SLC14A2: variants seen among roughly 807,000 people sequenced by gnomAD.
The protein encoded by SLC14A2 is urea transporter 2.
In SLC14A2, 91 loss-of-function variants were observed where a neutral mutation model predicts 104.6. The ratio of observed to expected loss-of-function variants is 0.87; its 90% CI spans 0.73 to 1.04. SLC14A2 has a LOEUF of 1.04. Among genes scored for constraint, SLC14A2 ranks in the 50% least tolerant of loss-of-function variants. The probability of loss-of-function intolerance (pLI) is 0.00; values close to 1 mark genes in which losing one functional copy is unlikely to be tolerated. For missense variants in SLC14A2, 1,189 were observed against 1,156.0 expected, an observed-to-expected ratio of 1.03 and a Z score of -0.41; for synonymous variants, 476 against 466.4, an observed-to-expected ratio of 1.02 and a Z score of -0.27.
At chr18:45,221,965 C>T (rs2084066761) in intron 1 of SLC14A2, among the ~76,000 whole-genome samples, 1 of 152,004 alleles carries the variant, frequency 6.6e-6, no homozygotes. Context: ...CATGGTGGAT[C>T]AAAAATGAGC....
chr18:45,289,851 GT>G (rs919355259), intron 1 of SLC14A2, among the ~76,000 whole-genome samples: 2 of 152,224 alleles, frequency 1.3e-5, no homozygotes, highest in African/African-American at 2.4e-5. Context: ...TACTGTCAAA[GT>G]CAGATGCAAG....
chr18:45,571,057 C>T (rs911153544), intron 2 of SLC14A2, among the ~76,000 whole-genome samples: 4 of 152,192 alleles, frequency 2.6e-5, no homozygotes, highest in African/African-American at 9.7e-5. Context: ...TCACTTTAGG[C>T]TCTAACTCTA....
intron 1 of SLC14A2, among the ~76,000 whole-genome samples, chr18:45,437,422 A>G (rs1260183736): frequency 6.6e-6 from 1 of 152,088 alleles, no homozygotes; most frequent in Non-Finnish European, 1.5e-5. Flanking sequence ...CTGCTTGTGG[A>G]GAGTCAGATG....
At chr18:45,538,072 T>C (rs1261776846) in intron 2 of SLC14A2, among the ~76,000 whole-genome samples, 2 of 152,198 alleles carry the variant, frequency 1.3e-5, no homozygotes, top group African/African-American at 4.8e-5. Flanking sequence ...CCTAGCTGGG[T>C]TTGCCAATGG....
chr18:45,204,789 A>C, the SLC14A2 span, among the ~76,000 whole-genome samples: 1 of 149,432 alleles, frequency 6.7e-6, no homozygotes, highest in African/African-American at 2.5e-5. Flanking sequence ...GCAGCTTCCA[A>C]TTTTAAACCT....
chr18:45,629,949 C>A (rs1279388393), intron 4 of SLC14A2, among the ~76,000 whole-genome samples: 1 of 152,146 alleles, frequency 6.6e-6, no homozygotes, highest in African/African-American at 2.4e-5. Flanking sequence ...ACCAGCTGTA[C>A]CTCTGTCTAT....
At chr18:45,331,721 C>T (rs2085293121) in intron 1 of SLC14A2, among the ~76,000 whole-genome samples, 1 of 151,690 alleles carries the variant, frequency 6.6e-6, no homozygotes, top group African/African-American at 2.4e-5. Context: ...ATCCTTCAAA[C>T]ATACATAAAA....
At chr18:45,484,427 G>A (rs534967451) in intron 2 of SLC14A2, among the ~76,000 whole-genome samples, 7 of 152,306 alleles carry the variant, frequency 4.6e-5, no homozygotes, top group African/African-American at 1.4e-4. Context: ...AAAGATCATA[G>A]CATTAGAACC....
At chr18:45,606,759 CA>C (rs535052877) in intron 2 of SLC14A2, among the ~76,000 whole-genome samples, 77 of 14,152 alleles carry the variant, frequency 5.4e-3, no homozygotes, top group Admixed American at 9.3e-3. Flanking sequence ...AAAACAAAAA[CA>C]AAAAAAAAAA....
rs776999720 is a variant in SLC14A2, at chr18:45,666,946, C to G, written c.1569C>G (p.Thr523=). Residue 523 remains threonine (T), a synonymous_variant, in exon 13 of 20, where the codon ACC becomes ACG. Coordinates refer to ENST00000255226, the MANE Select transcript of SLC14A2 (RefSeq NM_007163.4). ...KPTVELLDLD[T]MEESSEIKVE... The stretch of plus-strand genomic sequence containing the variant: ...TCTGTCCTGGACAGGATCTGGACAC[C>G]ATGGAGGAGAGCTCTGAGATAAAAG... 1 of 1,613,872 alleles carries G rather than the reference C, an allele frequency of 6.2e-7. No homozygotes were observed. Among genetic ancestry groups the G allele is most frequent in the Non-Finnish European group, 8.5e-7 (1 of 1,179,850 alleles).
upstream of SLC14A2, among the ~76,000 whole-genome samples, chr18:45,212,642 T>C (rs952465255): frequency 6.6e-6 from 1 of 152,210 alleles, no homozygotes; most frequent in Non-Finnish European, 1.5e-5. Flanking sequence ...ACATGTGTAT[T>C]ATTATATTGT....
At chr18:45,186,297 G>A in the SLC14A2 span, among the ~76,000 whole-genome samples, 4 of 152,166 alleles carry the variant, frequency 2.6e-5, no homozygotes, top group Non-Finnish European at 5.9e-5. Context: ...AGGACAGAGG[G>A]CCACTTTTAT....
At chr18:45,218,159 A>G (rs2143984537) in intron 1 of SLC14A2, among the ~76,000 whole-genome samples, 1 of 152,334 alleles carries the variant, frequency 6.6e-6, no homozygotes, top group East Asian at 1.9e-4. Context: ...CTCTTTAATC[A>G]TTAGATAATA....
At chr18:45,238,232 C>T (rs1238205750) in intron 1 of SLC14A2, among the ~76,000 whole-genome samples, 3 of 152,224 alleles carry the variant, frequency 2.0e-5, no homozygotes, top group Non-Finnish European at 4.4e-5. Context: ...ATTCTTATAA[C>T]AGGCTTTTAT....
intron 1 of SLC14A2, among the ~76,000 whole-genome samples, chr18:45,428,545 AGAG>A (rs1375629738): frequency 6.6e-6 from 1 of 152,190 alleles, no homozygotes; most frequent in Non-Finnish European, 1.5e-5. Context: ...TGAGGACTGA[AGAG>A]GAGCCACCCC....
chr18:45,347,626 A>G (rs1283119356), intron 1 of SLC14A2, among the ~76,000 whole-genome samples: 1 of 152,196 alleles, frequency 6.6e-6, no homozygotes, highest in African/African-American at 2.4e-5. Flanking sequence ...CCATCTGGTT[A>G]TAATAACTAC....
Position 45,682,442 on chromosome 18 carries a change from C to T in SLC14A2, c.2686C>T (p.Arg896Cys), listed in dbSNP as rs201444739. ...LSKVTYPEAN[R>C]IYYLSQERNR... ...CAAAGTCACCTACCCAGAGGCCAAC[C>T]GCATCTACTACCTGTCCCAGGAGAG... is the stretch of plus-strand genomic sequence containing the variant. Residue 896 changes from arginine (R) to cysteine (C), a missense_variant, in exon 20 of 20, where the codon CGC becomes TGC. Physicochemically the swap from Arg to Cys is radical, Grantham distance 180. Transcript: ENST00000255226. 14 of 1,614,132 alleles carry T rather than the reference C, an allele frequency of 8.7e-6. No homozygotes were observed. In the African/African-American group the frequency reaches 9.3e-5, roughly 11 times the overall value.
chr18:45,500,440 G>A (rs1300326262), intron 2 of SLC14A2, among the ~76,000 whole-genome samples: 1 of 152,036 alleles, frequency 6.6e-6, no homozygotes, highest in African/African-American at 2.4e-5. Flanking sequence ...AGCGGGGCGT[G>A]GTAGCGGGCG....
rs193289160 is a variant in SLC14A2 at position 45,555,529 on chromosome 18, A to T, written c.-34-69102A>T. ...TCCTTAATACAATCTACAGAAAAAA[A>T]GCTCAACAGACTCTTCATGGCTGAT... is the stretch of plus-strand genomic sequence containing the variant. On this transcript the variant is annotated intron_variant, in intron 2 of 20. Transcript: ENST00000586448. Among the ~76,000 whole-genome samples, 3 of 152,244 alleles carry T rather than the reference A, an allele frequency of 2.0e-5. No homozygotes were observed. The South Asian group carries it at 6.2e-4, about 32-fold the overall frequency.
Sources: gnomAD v4.1 joint callset for allele counts (sites outside exome capture counted in the v4.1 genomes callset) on GRCh38, gnomAD v4.1.1 for gene constraint, MANE v1.5 for transcripts, NCBI Gene and HGNC (gene_info 2026-07-23, HGNC 2026-07-21) for gene names.